The following RPA1 variants were observed in gnomAD, a reference collection of about 807,000 sequenced individuals.
The protein encoded by RPA1 is replication protein A1, also known as replication protein A 70 kDa DNA-binding subunit.
Under a neutral mutation model 83.0 loss-of-function variants are expected in RPA1, and 49 were observed. That is an observed-to-expected ratio of 0.59 (90% CI 0.47 to 0.75). The LOEUF (loss-of-function observed/expected upper bound fraction) is 0.75. Among genes scored for constraint, RPA1 ranks in the 30% least tolerant of loss-of-function variants. The probability of loss-of-function intolerance (pLI) is 0.00; values close to 1 mark genes in which losing one functional copy is unlikely to be tolerated. For missense variants in RPA1, 693 were observed against 776.1 expected, an observed-to-expected ratio of 0.89 and a Z score of 1.27; for synonymous variants, 279 against 281.8, an observed-to-expected ratio of 0.99 and a Z score of 0.10.
intron 5 of RPA1, among the ~76,000 whole-genome samples, chr17:1,869,623 A>G (rs1913307383): frequency 6.6e-6 from 1 of 152,220 alleles, no homozygotes; most frequent in South Asian, 2.1e-4. Context: ...TCTGAGAACC[A>G]TGATGTTGAC....
At chr17:1,867,337 TTG>T (rs71150830) in intron 5 of RPA1, among the ~76,000 whole-genome samples, 117,472 of 151,042 alleles carry the variant, frequency 0.78, 47,543 homozygotes, top group Non-Finnish European at 0.9. Context: ...TTTCTAGTGT[TTG>T]TGTGTGTGTG....
At chr17:1,894,520 G>A (rs1300512164) in intron 15 of RPA1, among the ~76,000 whole-genome samples, 2 of 152,196 alleles carry the variant, frequency 1.3e-5, no homozygotes, top group Non-Finnish European at 2.9e-5. Context: ...GTCTAGTAAA[G>A]CATACATAAC....
chr17:1,838,627 C>A (rs909001367), intron 1 of RPA1, among the ~76,000 whole-genome samples: 12 of 148,914 alleles, frequency 8.1e-5, no homozygotes, highest in Non-Finnish European at 1.8e-4. Flanking sequence ...AAAAAGAAAT[C>A]TTTGCCTACC....
At chr17:1,836,960 C>G (rs1055886776) in intron 1 of RPA1, among the ~76,000 whole-genome samples, 3 of 151,834 alleles carry the variant, frequency 2.0e-5, no homozygotes, top group Non-Finnish European at 4.4e-5. Flanking sequence ...CCCTCAGCCT[C>G]CCGAGTAGCT....
intron 5 of RPA1, among the ~76,000 whole-genome samples, chr17:1,864,016 G>A (rs1913085140): frequency 6.6e-6 from 1 of 152,098 alleles, no homozygotes; most frequent in Admixed American, 6.6e-5. Flanking sequence ...ATATAAAATC[G>A]ACTTTAAGCT....
chr17:1,882,676 A>G (rs896105967), intron 12 of RPA1, among the ~76,000 whole-genome samples: 2 of 152,138 alleles, frequency 1.3e-5, no homozygotes, highest in Admixed American at 6.5e-5. Context: ...AAACAAAAAA[A>G]CCACTTTTGG....
At chr17:1,859,583 G>T (rs1202963857) in intron 5 of RPA1, among the ~76,000 whole-genome samples, 1 of 152,102 alleles carries the variant, frequency 6.6e-6, no homozygotes, top group East Asian at 1.9e-4. Flanking sequence ...GTGCTTTGAA[G>T]TCTGCTTTGA....
chr17:1,898,544 G>A lies in RPA1; in HGVS notation c.*1369G>A, dbSNP rs1198014869. 1 of 152,232 alleles carries A rather than the reference G, an allele frequency of 6.6e-6. No individual in the cohort carries two copies. The highest frequency in any genetic ancestry group is 1.5e-5 in the Non-Finnish European group (1 of 68,046). 9.4% of individuals were successfully genotyped at this position (152,232 alleles called of 1,614,324 possible). ...GTGCGGCGGTCACTCTGCAGCCAGA[G>A]GACCTGCTGTTCATCACTGCACATG... On this transcript the variant is annotated 3_prime_UTR_variant, in exon 17 of 17. Transcript: ENST00000254719.
chr17:1,892,008 C>G, intron 15 of RPA1, 68 bp downstream of exon 15: 1 of 1,120,498 alleles, frequency 8.9e-7, no homozygotes, highest in Non-Finnish European at 1.3e-6. Flanking sequence ...ACTGACCCCA[C>G]ACATTTTTTT....
chr17:1,830,086 G>C lies in RPA1; in HGVS notation c.-8G>C. 1 of 1,250,242 alleles carries C rather than the reference G, an allele frequency of 8.0e-7. No homozygotes were observed. The highest frequency in any genetic ancestry group is 1.0e-6 in the Non-Finnish European group (1 of 988,722). The allele number at this position is 1,250,242 out of a possible 1,614,324, so 77.4% of individuals were successfully genotyped here. ...CGGGGTCCGCGGGGAAGTCTTGGCG[G>C]TGGAGCCATGGTCGGCCAACTGAGC... On this transcript the variant is annotated 5_prime_UTR_variant, in exon 1 of 17. Coordinates refer to ENST00000254719, the MANE Select transcript of RPA1 (RefSeq NM_002945.5).
At chr17:1,840,772 T>C (rs1049304632) in intron 1 of RPA1, among the ~76,000 whole-genome samples, 3 of 152,126 alleles carry the variant, frequency 2.0e-5, no homozygotes, top group African/African-American at 7.2e-5. Context: ...CCCTAAATAA[T>C]TTACTTTTGA....
chr17:1,861,290 G>C (rs531800587), intron 5 of RPA1, among the ~76,000 whole-genome samples: 89 of 152,274 alleles, frequency 5.8e-4, no homozygotes, highest in African/African-American at 2.1e-3. Flanking sequence ...TCGGGTTCTG[G>C]CAGGCCCCCT....
chr17:1,873,601 T>C (rs1479842946), intron 6 of RPA1, among the ~76,000 whole-genome samples: 1 of 152,130 alleles, frequency 6.6e-6, no homozygotes, highest in Non-Finnish European at 1.5e-5. Context: ...TAATCTACCT[T>C]GCACGATCCG....
Position 1,883,891 on chromosome 17 carries a change from A to G in RPA1, c.1321A>G (p.Asn441Asp). 1.2e-6 allele frequency: 2 copies of G among 1,614,172 alleles called. No individual in the cohort carries two copies. The highest frequency in any genetic ancestry group is 3.3e-5 in the Admixed American group (2 of 60,020). The change falls in exon 13 of 17, where the codon AAC becomes GAC. Residue 441 changes from asparagine (N) to aspartate (D), a missense_variant. Transcript: ENST00000254719. Reference sequence around the variant, plus strand: ...CGGCGGAGTCGGAGGGAGTAACACCAACTGGAAAACCTTGTATGAGGTCAA... The same window carrying G: ...CGGCGGAGTCGGAGGGAGTAACACCGACTGGAAAACCTTGTATGAGGTCAA... ...KSGGVGGSNTNWKTLYEVKSE... is the reference protein window; with the variant it reads ...KSGGVGGSNTDWKTLYEVKSE...
At chr17:1,874,383 A>G (rs1254191576) in intron 6 of RPA1, among the ~76,000 whole-genome samples, 6 of 151,922 alleles carry the variant, frequency 3.9e-5, no homozygotes, top group Non-Finnish European at 8.8e-5. Flanking sequence ...GTGCACACCT[A>G]TAGTCCCAGC....
chr17:1,871,496 C>T (rs12949163), intron 5 of RPA1, among the ~76,000 whole-genome samples: 54,851 of 151,956 alleles, frequency 0.36, 12,114 homozygotes, highest in Non-Finnish European at 0.52. Flanking sequence ...CATTTTTGTT[C>T]TCAGGGCACT....
At chr17:1,868,617 A>G (rs553773444) in intron 5 of RPA1, among the ~76,000 whole-genome samples, 1 of 152,272 alleles carries the variant, frequency 6.6e-6, no homozygotes, top group East Asian at 1.9e-4. Context: ...TTAAAAATAG[A>G]AAAATTAGCC....
At chr17:1,883,027 A>G (rs1417520686) in intron 12 of RPA1, among the ~76,000 whole-genome samples, 3 of 152,168 alleles carry the variant, frequency 2.0e-5, no homozygotes, top group Non-Finnish European at 4.4e-5. Flanking sequence ...CCGTTTCTTC[A>G]GTAGACTTTG....
rs1274950820 is a variant in RPA1 at position 1,897,172 on chromosome 17, G to T, written c.1848G>T (p.Met616Ile). The change falls in exon 17 of 17, where the codon ATG (methionine) becomes ATT (isoleucine). Residue 616 changes from methionine to isoleucine, a missense_variant. Met to Ile is a conservative substitution (Grantham distance 10). Coordinates refer to ENST00000254719, the MANE Select transcript of RPA1 (RefSeq NM_002945.5). ...LVMSIRRSAL[M>I] ...TGAGCATCAGGAGAAGTGCATTGAT[G>T]TGAGAGGAGCAGTGCCAATCGGGCA... 1.3e-6 allele frequency: 2 copies of T among 1,553,176 alleles called. No homozygotes were observed. The highest frequency in any genetic ancestry group is 2.4e-5 in the East Asian group (1 of 41,196).
Sources: gnomAD v4.1 joint callset for allele counts (sites outside exome capture counted in the v4.1 genomes callset) on GRCh38, gnomAD v4.1.1 for gene constraint, MANE v1.5 for transcripts, NCBI Gene and HGNC (gene_info 2026-07-23, HGNC 2026-07-21) for gene names.